Variants in SOS1 observed in about 807,000 individuals in gnomAD.
The protein encoded by SOS1 is SOS Ras/Rac guanine nucleotide exchange factor 1.
A neutral mutation model predicts 157.6 loss-of-function variants in SOS1; 25 were observed. That is an observed-to-expected ratio of 0.16 (90% CI 0.12 to 0.22). SOS1 has a LOEUF of 0.22. Ranked by LOEUF, SOS1 falls within the 10% of genes least tolerant of loss-of-function variation. SOS1 has a pLI of 1.00. For synonymous variants in SOS1, 528 were observed against 534.0 expected, an observed-to-expected ratio of 0.99 and a Z score of 0.16; for missense variants, 1,237 against 1,599.1, an observed-to-expected ratio of 0.77 and a Z score of 3.86.
chr2:39,009,454 G>A (rs1321809668), intron 15 of SOS1, among the ~76,000 whole-genome samples: 1 of 152,062 alleles, frequency 6.6e-6, no homozygotes, highest in Non-Finnish European at 1.5e-5. Flanking sequence ...ATCAGTAAAG[G>A]TAATTGTGTA....
chr2:39,001,178 C>T (rs1004710541), intron 17 of SOS1, among the ~76,000 whole-genome samples: 2 of 152,210 alleles, frequency 1.3e-5, no homozygotes, highest in Admixed American at 6.5e-5. Context: ...TCTTGTGCCT[C>T]TGCCTCCCGA....
chr2:39,042,596 G>C (rs1670609333), intron 6 of SOS1, among the ~76,000 whole-genome samples: 1 of 151,638 alleles, frequency 6.6e-6, no homozygotes, highest in Non-Finnish European at 1.5e-5. Context: ...GTAGAGATGG[G>C]GTTTCATCAT....
rs749836371 is a variant in SOS1 at position 38,996,940 on chromosome 2, A to C, written c.3063T>G (p.Pro1021=). 9.6e-6 allele frequency: 15 copies of C among 1,554,742 alleles called. No individual in the cohort carries two copies. The highest frequency in any genetic ancestry group is 1.3e-5 in the Non-Finnish European group (15 of 1,126,186). ...TGCTTACAAATCTTGGGAGAGGCTT[A>C]GGGTTTCGTGGTTCTATTTCTAGGG... The part of the protein sequence containing the change: ...NKSLEIEPRN[P]KPLPRFPKKY... The change falls in exon 19 of 23, where the codon CCT becomes CCG. Residue 1021 remains proline, a synonymous_variant. Coordinates refer to ENST00000402219, the MANE Select transcript of SOS1 (RefSeq NM_005633.4).
intron 1 of SOS1, among the ~76,000 whole-genome samples, chr2:39,106,569 C>T (rs1447465385): frequency 7.5e-6 from 1 of 132,942 alleles, no homozygotes; most frequent in Admixed American, 7.9e-5. Context: ...CCAGCCTGGG[C>T]GACAGAGCGA....
At chr2:39,048,253 C>G (rs950218835) in intron 6 of SOS1, among the ~76,000 whole-genome samples, 4 of 152,132 alleles carry the variant, frequency 2.6e-5, no homozygotes, top group African/African-American at 9.7e-5. Context: ...TTGAATAATA[C>G]TGTAGTTGGG....
chr2:38,992,213 T>G (rs892934170), intron 20 of SOS1: 1 of 150,582 alleles, frequency 6.6e-6, no homozygotes, highest in Non-Finnish European at 1.5e-5. Flanking sequence ...GACAAAAGCA[T>G]GTGGAGAAGA....
chr2:39,093,166 C>T (rs544426757), intron 1 of SOS1, among the ~76,000 whole-genome samples: 1 of 152,262 alleles, frequency 6.6e-6, no homozygotes, highest in South Asian at 2.1e-4. Flanking sequence ...GCACTATTTT[C>T]CCCTACACAT....
intron 1 of SOS1, chr2:39,098,077 T>G (rs1672837923): frequency 6.6e-6 from 1 of 152,470 alleles, no homozygotes; most frequent in East Asian, 1.9e-4. Context: ...TGAAAATTAT[T>G]TTACATGATA....
chr2:39,042,669 C>T (rs1480575339), intron 6 of SOS1, among the ~76,000 whole-genome samples: 1 of 150,872 alleles, frequency 6.6e-6, no homozygotes, highest in Admixed American at 6.6e-5. Flanking sequence ...TCCAAAAGTG[C>T]TGGGATTACA....
At chr2:39,000,843 T>C (rs1359353727) in intron 17 of SOS1, among the ~76,000 whole-genome samples, 1 of 152,222 alleles carries the variant, frequency 6.6e-6, no homozygotes, top group Non-Finnish European at 1.5e-5. Context: ...AAGAAGTATA[T>C]TGTTTCAAAA....
intron 10 of SOS1, among the ~76,000 whole-genome samples, chr2:39,022,201 T>C (rs1249928767): frequency 6.6e-6 from 1 of 151,724 alleles, no homozygotes; most frequent in African/African-American, 2.4e-5. Flanking sequence ...AAAATTTTTA[T>C]TTATAATCTC....
At chr2:39,077,296 C>T (rs888089836) in intron 1 of SOS1, among the ~76,000 whole-genome samples, 3 of 147,254 alleles carry the variant, frequency 2.0e-5, no homozygotes, top group African/African-American at 7.6e-5. Context: ...GAGCCGAGAT[C>T]GTGCCAGAGT....
chr2:39,084,880 A>G (rs1470400049), intron 1 of SOS1, among the ~76,000 whole-genome samples: 1 of 152,156 alleles, frequency 6.6e-6, no homozygotes, highest in Non-Finnish European at 1.5e-5. Context: ...CTGACTCAAG[A>G]AAAGAGTCTC....
In SOS1 at chr2:39,003,725, A is replaced by C. The variant is rs536738761; in HGVS notation, c.2791+2687T>G. Among the ~76,000 whole-genome samples, 153 of 152,378 alleles carry C rather than the reference A, an allele frequency of 1.0e-3. 1 individual carries two copies. Among genetic ancestry groups the C allele is most frequent in the Admixed American group, 2.5e-3 (38 of 15,306 alleles). On this transcript the variant is annotated intron_variant, in intron 17 of 22. Coordinates refer to ENST00000402219, the MANE Select transcript of SOS1 (RefSeq NM_005633.4). ...GGCATCCCCCCCCACTCAAACTTAT[A>C]AAGTTCATTTGGAAAAATAAACAGG...
rs549890316 is a variant in SOS1 at position 38,988,547 on chromosome 2, G to T, written c.3391+723C>A. Among the ~76,000 whole-genome samples the T allele has an allele frequency of 2.6e-5, 4 of 151,842 alleles. No individual in the cohort carries two copies. In the East Asian group the frequency reaches 7.7e-4, roughly 29 times the overall value. ...ATTTTGTCACATGTTATAAAATATA[G>T]AACTTAAAAAGAGTACTTTGTGTAC... is the stretch of plus-strand genomic sequence containing the variant. On this transcript the variant is annotated intron_variant, in intron 21 of 22. Coordinates refer to ENST00000402219, the MANE Select transcript of SOS1 (RefSeq NM_005633.4).
chr2:39,006,813 T>C (rs1669296260), intron 16 of SOS1, among the ~76,000 whole-genome samples: 1 of 152,226 alleles, frequency 6.6e-6, no homozygotes. Context: ...GAAAGTTTTT[T>C]CTTCTAGCTT....
chr2:39,100,059 G>A (rs555953866), intron 1 of SOS1, among the ~76,000 whole-genome samples: 14 of 152,198 alleles, frequency 9.2e-5, no homozygotes, highest in Admixed American at 6.5e-5. Flanking sequence ...TGACAAACAG[G>A]TATATGAAAA....
intron 8 of SOS1, among the ~76,000 whole-genome samples, chr2:39,024,650 T>C (rs1669899331): frequency 3.9e-5 from 6 of 152,162 alleles, no homozygotes. Context: ...TACTTCTGTG[T>C]GACCTTGGGG....
At chr2:38,992,098 A>G (rs1668752008) in intron 20 of SOS1, among the ~76,000 whole-genome samples, 2 of 152,192 alleles carry the variant, frequency 1.3e-5, no homozygotes, top group Non-Finnish European at 2.9e-5. Flanking sequence ...CCTGAGGGAA[A>G]CAAGGAAATA....
Sources: allele counts gnomAD v4.1 joint callset (sites outside exome capture counted in the v4.1 genomes callset), GRCh38; gene constraint gnomAD v4.1.1; transcripts MANE v1.5; gene names NCBI Gene and HGNC (gene_info 2026-07-23, HGNC 2026-07-21).